The following ZNF618 variants were observed in gnomAD, a reference collection of about 807,000 sequenced individuals.
The protein encoded by ZNF618 is zinc finger protein 618, also known as neural precursor cell expressed, developmentally down-regulated 10.
A neutral mutation model predicts 103.0 loss-of-function variants in ZNF618; 34 were observed. The observed-to-expected ratio is 0.33, with a 90% CI of 0.25 to 0.44. The LOEUF is 0.44. Among genes scored for constraint, ZNF618 ranks in the 20% least tolerant of loss-of-function variants. The pLI, the probability that ZNF618 is intolerant of heterozygous loss-of-function variation, is 1.00. For synonymous variants in ZNF618, 551 were observed against 542.2 expected (o/e 1.02, Z -0.23); for missense variants, 1,059 against 1,295.4 (o/e 0.82, Z 2.80).
At chr9:113,974,236 G>A (rs1838279744) in intron 2 of ZNF618, among the ~76,000 whole-genome samples, 1 of 152,236 alleles carries the variant, frequency 6.6e-6, no homozygotes, top group Admixed American at 6.5e-5. Context: ...ATTCAGGGAA[G>A]GTGAGTCATG....
chr9:114,004,799 G>A lies in ZNF618; in HGVS notation c.550+2137G>A, dbSNP rs372141697. On this transcript the variant is annotated intron_variant, in intron 6 of 14. Coordinates refer to ENST00000374126, the MANE Select transcript of ZNF618 (RefSeq NM_001318042.2). ...AGTCCAGCCCACCCATTTTGCAGAT[G>A]AGGACAGGGAGTCATACAGGTTGTG... 5.9e-5 allele frequency among the ~76,000 whole-genome samples: 9 copies of A among 152,218 alleles called. No individual in the cohort carries two copies. The East Asian group carries it at 1.2e-3, about 20-fold the overall frequency.
At chr9:113,995,897 T>G (rs1011589805) in intron 3 of ZNF618, among the ~76,000 whole-genome samples, 3 of 152,140 alleles carry the variant, frequency 2.0e-5, no homozygotes, top group Non-Finnish European at 4.4e-5. Flanking sequence ...GATCGTCTTT[T>G]GTTTGTAACG....
At chr9:113,952,464 C>CT (rs1176627910) in intron 1 of ZNF618, among the ~76,000 whole-genome samples, 1 of 152,186 alleles carries the variant, frequency 6.6e-6, no homozygotes, top group African/African-American at 2.4e-5. Flanking sequence ...AGGACTAACT[C>CT]TGACTGTGAC....
intron 2 of ZNF618, among the ~76,000 whole-genome samples, chr9:113,985,141 G>A (rs1363777500): frequency 2.0e-5 from 3 of 152,238 alleles, no homozygotes; most frequent in Non-Finnish European, 4.4e-5. Flanking sequence ...TGTGGGGTAG[G>A]TACCGTGTTT....
intron 1 of ZNF618, among the ~76,000 whole-genome samples, chr9:113,888,375 A>G (rs561262391): frequency 6.6e-6 from 1 of 152,224 alleles, no homozygotes; most frequent in Non-Finnish European, 1.5e-5. Context: ...TTCAGCCCCC[A>G]GCTCCCCATG....
intron 2 of ZNF618, among the ~76,000 whole-genome samples, chr9:113,987,463 C>T (rs1466057428): frequency 6.6e-6 from 1 of 152,198 alleles, no homozygotes; most frequent in African/African-American, 2.4e-5. Context: ...AGAGCCCCCT[C>T]CATGCCACAG....
chr9:114,019,573 G>A lies in ZNF618; in HGVS notation c.844+2789G>A, dbSNP rs576276368. ...TGGAGTCTCACTGTGGTGTTAATTT[G>A]TATTTTCCTGATAACTAATGACGTT... On this transcript the variant is annotated intron_variant, in intron 10 of 14. Coordinates refer to ENST00000374126, the MANE Select transcript of ZNF618 (RefSeq NM_001318042.2). Among the ~76,000 whole-genome samples, 111 of 152,264 alleles carry A rather than the reference G, an allele frequency of 7.3e-4. 1 individual carries two copies. In the Middle Eastern group the frequency reaches 0.014, roughly 19 times the overall value.
Position 113,962,229 on chromosome 9 carries a change from C to T in ZNF618, c.34-6888C>T, listed in dbSNP as rs556253681. ...TAAGGCCCATGATTTTTGGAATCTT[C>T]CTTGACTCTTTCTTTATGTCATACC... On this transcript the variant is annotated intron_variant, in intron 1 of 14. Coordinates refer to ENST00000374126, the MANE Select transcript of ZNF618 (RefSeq NM_001318042.2). Among the ~76,000 whole-genome samples, 18 of 152,264 alleles carry T rather than the reference C, an allele frequency of 1.2e-4. No individual in the cohort carries two copies. The South Asian group carries it at 3.5e-3, about 30-fold the overall frequency.
intron 1 of ZNF618, among the ~76,000 whole-genome samples, chr9:113,911,105 A>T (rs781119066): frequency 1.3e-5 from 2 of 152,214 alleles, no homozygotes; most frequent in Admixed American, 6.5e-5. Flanking sequence ...AAGTGCTGGG[A>T]TCACAGGAGT....
intron 9 of ZNF618, among the ~76,000 whole-genome samples, chr9:114,013,344 AAGTT>A (rs1842406454): frequency 6.6e-6 from 1 of 152,240 alleles, no homozygotes; most frequent in Non-Finnish European, 1.5e-5. Flanking sequence ...GATAAACTAG[AAGTT>A]AGTTTAAAAT....
chr9:114,054,752 G>A lies in ZNF618; in HGVS notation c.*4585G>A, dbSNP rs1347482964. 1 of 152,782 alleles carries A rather than the reference G, an allele frequency of 6.5e-6. No individual in the cohort carries two copies. Among genetic ancestry groups the A allele is most frequent in the Non-Finnish European group, 1.5e-5 (1 of 68,176 alleles). The allele number at this position is 152,782 out of a possible 1,614,324, so 9.5% of individuals were successfully genotyped here. ...GGTTTTGCCTTTTCAGGGTTTTCTG[G>A]GGGATTTTGTTGTAGTAGTTGCTTT... On this transcript the variant is annotated 3_prime_UTR_variant, in exon 15 of 15. Transcript: ENST00000374126.
chr9:113,894,827 ATTACC>A (rs1444106898), intron 1 of ZNF618, among the ~76,000 whole-genome samples: 1 of 152,198 alleles, frequency 6.6e-6, no homozygotes, highest in African/African-American at 2.4e-5. Context: ...AATTTATTGT[ATTACC>A]TTCTTAGTTC....
intron 3 of ZNF618, 34 bp from the exon 4 acceptor site, chr9:113,998,225 T>G (rs988028796): frequency 6.5e-7 from 1 of 1,547,100 alleles, no homozygotes; most frequent in African/African-American, 1.4e-5. Flanking sequence ...TTCTCCAACT[T>G]TAAGGGCTCT....
intron 1 of ZNF618, among the ~76,000 whole-genome samples, chr9:113,930,746 T>C (rs760148997): frequency 2.6e-5 from 4 of 152,222 alleles, no homozygotes; most frequent in Admixed American, 6.5e-5. Flanking sequence ...TTCTTTTGAA[T>C]CAATGGCATT....
chr9:114,011,909 A>T (rs537016759), intron 9 of ZNF618, among the ~76,000 whole-genome samples: 8 of 152,202 alleles, frequency 5.3e-5, no homozygotes, highest in Non-Finnish European at 8.8e-5. Context: ...TAATGGGCAG[A>T]GGGAGAATCA....
intron 2 of ZNF618, 82 bp from the exon 3 acceptor site, chr9:113,988,239 T>C: frequency 6.7e-7 from 1 of 1,502,864 alleles, no homozygotes; most frequent in Non-Finnish European, 8.9e-7. Context: ...CAGCCTGGCA[T>C]GTCCCTGTGG....
Position 114,049,469 on chromosome 9 carries a change from C to T in ZNF618, c.2167C>T (p.Leu723Phe), listed in dbSNP as rs1845953869. 6.2e-7 allele frequency: 1 copy of T among 1,611,666 alleles called. No homozygotes were observed. Among genetic ancestry groups the T allele is most frequent in the African/African-American group, 1.3e-5 (1 of 74,888 alleles). The change falls in exon 15 of 15, where the codon CTC becomes TTC. Residue 723 changes from leucine (L) to phenylalanine (F), a missense_variant. Physicochemically the swap from Leu to Phe is conservative, Grantham distance 22. Coordinates refer to ENST00000374126, the MANE Select transcript of ZNF618 (RefSeq NM_001318042.2). ...EFYSRAKKMN[L>F]IQSLNKHLLS... ...CTACAGCCGGGCCAAGAAGATGAAC[C>T]TCATCCAGAGCCTCAACAAGCACCT...
At chr9:113,969,420 T>A (rs956673482) in intron 2 of ZNF618, among the ~76,000 whole-genome samples, 6 of 152,096 alleles carry the variant, frequency 3.9e-5, no homozygotes, top group Admixed American at 1.3e-4. Context: ...AACTTAGGAG[T>A]GAAGCATAAG....
intron 1 of ZNF618, among the ~76,000 whole-genome samples, chr9:113,919,865 G>A (rs1211818275): frequency 6.6e-6 from 1 of 152,250 alleles, no homozygotes; most frequent in Non-Finnish European, 1.5e-5. Flanking sequence ...CATGAACATT[G>A]TAAAAGTATC....
Sources: gnomAD v4.1 joint callset for allele counts (sites outside exome capture counted in the v4.1 genomes callset) on GRCh38, gnomAD v4.1.1 for gene constraint, MANE v1.5 for transcripts, NCBI Gene and HGNC (gene_info 2026-07-23, HGNC 2026-07-21) for gene names.